Variants in RNF103 observed in about 807,000 individuals in gnomAD.
The protein encoded by RNF103 is E3 ubiquitin-protein ligase RNF103.
A neutral mutation model predicts 66.2 loss-of-function variants in RNF103; 23 were observed. The ratio of observed to expected loss-of-function variants is 0.35; its 90% confidence interval spans 0.25 to 0.49. The LOEUF is 0.49. Ranked by LOEUF, RNF103 falls within the 20% of genes least tolerant of loss-of-function variation. The pLI, the probability that RNF103 is intolerant of heterozygous loss-of-function variation, is 0.98. For synonymous variants in RNF103, 297 were observed against 289.9 expected, an observed-to-expected ratio of 1.02 and a Z score of -0.25; for missense variants, 730 against 814.7, an observed-to-expected ratio of 0.90 and a Z score of 1.27.
chr2:86,620,445 T>G lies in RNF103; in HGVS notation c.251A>C (p.Tyr84Ser), dbSNP rs768609074. The G allele has an allele frequency of 1.3e-6, 2 of 1,598,228 alleles. No individual in the cohort carries two copies. The highest frequency in any genetic ancestry group is 2.2e-5 in the East Asian group (1 of 44,824). The change falls in exon 2 of 4, where the codon TAT (tyrosine) becomes TCT (serine). Residue 84 changes from tyrosine (Y) to serine (S), a missense_variant. By Grantham distance (144) the Tyr-to-Ser change is moderately radical (BLOSUM62 -2). Around this residue, in one of 3 missense-constraint regions of RNF103, gnomAD observed 327 missense variants for 369.8 expected, o/e 0.88. Transcript: ENST00000237455. Reference sequence around the variant, plus strand: ...TGCTTCTTCTTCCTTGAGAGCAGAATAGAGCTCACCCTCCATCAAGTCACC... The same window carrying G: ...TGCTTCTTCTTCCTTGAGAGCAGAAGAGAGCTCACCCTCCATCAAGTCACC... ...KSGDLMEGEL[Y>S]SALKEEEASE...
At chr2:86,608,793 A>G (rs1252391254) in intron 3 of RNF103, among the ~76,000 whole-genome samples, 8 of 137,244 alleles carry the variant, frequency 5.8e-5, no homozygotes, top group Admixed American at 4.9e-4. Context: ...CTACTTTGTC[A>G]AAAAAAGTAC....
chr2:86,621,469 A>G (rs1679225433), intron 1 of RNF103, among the ~76,000 whole-genome samples: 1 of 152,362 alleles, frequency 6.6e-6, no homozygotes, highest in East Asian at 1.9e-4. Flanking sequence ...AAGAATCGCC[A>G]TAAACCAGTC....
intron 2 of RNF103, chr2:86,618,073 A>G: frequency 4.5e-6 from 2 of 441,078 alleles, no homozygotes; most frequent in East Asian, 7.1e-5. Context: ...AACCACAGAA[A>G]TACATTCTAT....
At chr2:86,620,713 A>G (rs1679198630) in intron 1 of RNF103, among the ~76,000 whole-genome samples, 1 of 152,242 alleles carries the variant, frequency 6.6e-6, no homozygotes, top group Admixed American at 6.5e-5. Flanking sequence ...CATCTCTTAT[A>G]GAACAGGGCT....
Position 86,605,320 on chromosome 2 carries a change from C to A in RNF103, c.581G>T (p.Gly194Val). The stretch of plus-strand genomic sequence containing the variant: ...AATGTGCTCTACTTCAATCTTGCGT[C>A]CACTGTATTCTTTAAGCATGACTTT... ...KGKVMLKEYS[G>V]RKIEVEHIFK... The change falls in exon 4 of 4, where the codon GGA becomes GTA. Residue 194 changes from glycine to valine, a missense_variant. By Grantham distance (109) the Gly-to-Val change is moderately radical. Around this residue, in one of 3 missense-constraint regions of RNF103, gnomAD observed 327 missense variants for 369.8 expected, o/e 0.88. Transcript: ENST00000237455. The A allele has an allele frequency of 6.2e-7, 1 of 1,614,158 alleles. No individual in the cohort carries two copies. Among genetic ancestry groups the A allele is most frequent in the Middle Eastern group, 1.6e-4 (1 of 6,062 alleles).
intron 3 of RNF103, among the ~76,000 whole-genome samples, chr2:86,607,802 C>T (rs924427429): frequency 1.3e-5 from 2 of 152,174 alleles, no homozygotes; most frequent in African/African-American, 2.4e-5. Context: ...TTTTATCTTC[C>T]TACTATGGCC....
chr2:86,612,253 G>T lies in RNF103; in HGVS notation c.388C>A (p.Pro130Thr). 6.2e-7 allele frequency: 1 copy of T among 1,612,722 alleles called. No homozygotes were observed. Among genetic ancestry groups the T allele is most frequent in the Non-Finnish European group, 8.5e-7 (1 of 1,179,300 alleles). The change falls in exon 3 of 4, where the codon CCC becomes ACC. Residue 130 changes from proline to threonine, a missense_variant. By Grantham distance (38) the Pro-to-Thr change is conservative. Transcript: ENST00000237455. The stretch of plus-strand genomic sequence containing the variant: ...TCCCAGTGAATTTTGCCCACCAAGG[G>T]ACTTCTGTCATTTGCTATGACCTAT... ...LVQVIANDRS[P>T]LVGKIHWEKM...
intron 2 of RNF103, chr2:86,614,283 C>T (rs1198872838): frequency 2.0e-5 from 3 of 152,136 alleles, no homozygotes; most frequent in Admixed American, 2.0e-4. Flanking sequence ...TTACATTTTT[C>T]TCTGGTCCAA....
chr2:86,623,165 T>G lies in RNF103; in HGVS notation c.-279A>C, dbSNP rs1679300555. The G allele has an allele frequency of 2.1e-5, 23 of 1,116,472 alleles. No individual in the cohort carries two copies. The highest frequency in any genetic ancestry group is 2.2e-5 in the Non-Finnish European group (20 of 916,340). 69.2% of individuals were successfully genotyped at this position (1,116,472 alleles called of 1,614,324 possible). A position where few individuals can be genotyped will look rare whatever the true frequency, so the allele number is the denominator to read the frequency against. On this transcript the variant is annotated 5_prime_UTR_variant, in exon 1 of 4. It removes an upstream start codon present in the reference 5' UTR. Transcript: ENST00000237455. ...AAAGGGGAAAAACTCAAAACCCCCA[T>G]CCATTAAGCACAGAAAGGAGAGGGG...
In RNF103 at chr2:86,623,217, A is replaced by G. The variant is rs1679302084; in HGVS notation, c.-331T>C. ...GCGGGGAGAGCTCGCGGGGAAGAAC[A>G]AAACGAGGGACGCTTCCCCCGGGGC... is the stretch of plus-strand genomic sequence containing the variant. On this transcript the variant is annotated 5_prime_UTR_variant, in exon 1 of 4. Transcript: ENST00000237455. 11 of 1,020,140 alleles carry G rather than the reference A, an allele frequency of 1.1e-5. No homozygotes were observed. Among genetic ancestry groups the G allele is most frequent in the Non-Finnish European group, 1.3e-5 (11 of 854,392 alleles). 63.2% of individuals were successfully genotyped at this position (1,020,140 alleles called of 1,614,324 possible).
At chr2:86,617,692 T>A in intron 2 of RNF103, 2 of 988,670 alleles carry the variant, frequency 2.0e-6, no homozygotes, top group Non-Finnish European at 2.4e-6. Flanking sequence ...TCCTTTACAA[T>A]AGATTAATAT....
At chr2:86,606,352 G>A (rs934258034) in intron 3 of RNF103, among the ~76,000 whole-genome samples, 5 of 152,066 alleles carry the variant, frequency 3.3e-5, no homozygotes, top group African/African-American at 1.2e-4. Flanking sequence ...AGTAGGTAAT[G>A]AGAGAAAAGA....
rs557927966 is a variant in RNF103, at chr2:86,620,422, C to T, written c.274G>A (p.Ala92Thr). 3 of 1,606,010 alleles carry T rather than the reference C, an allele frequency of 1.9e-6. No individual in the cohort carries two copies. The highest frequency in any genetic ancestry group is 4.5e-5 in the East Asian group (2 of 44,864). ...TTGGTACTAGAAACCGATTCGGATG[C>T]TTCTTCTTCCTTGAGAGCAGAATAG... ...ELYSALKEEE[A>T]SESVSSTNFS... is the part of the protein sequence containing the mutation. The change falls in exon 2 of 4, where the codon GCA (alanine) becomes ACA (threonine). Residue 92 changes from alanine to threonine, a missense_variant. Ala to Thr is a moderately conservative substitution (Grantham distance 58). Transcript: ENST00000237455.
In RNF103 at chr2:86,622,928, G is replaced by GGGAGAGAGAA. The variant is rs1167255182; in HGVS notation, c.-52_-43dup. On this transcript the variant is annotated 5_prime_UTR_variant, in exon 1 of 4. Transcript: ENST00000237455. The stretch of plus-strand genomic sequence containing the variant: ...TCTCTTTCCAGAGAGCTCGGAATAC[G>GGGAGAGAGAA]GGAGAGAGAAGGGTCGAGGGCGGGG... 1 of 1,550,746 alleles carries GGGAGAGAGAA rather than the reference G, an allele frequency of 6.4e-7. No homozygotes were observed. The highest frequency in any genetic ancestry group is 2.4e-5 in the East Asian group (1 of 41,046).
chr2:86,620,146 T>C (rs308900), intron 2 of RNF103, among the ~76,000 whole-genome samples, 184 bp downstream of exon 2: 63,823 of 152,048 alleles, frequency 0.42, 15,266 homozygotes, highest in East Asian at 0.73. Context: ...CACTACTCAA[T>C]TTTCATCTTC....
intron 2 of RNF103, chr2:86,615,383 A>C: frequency 3.2e-6 from 1 of 315,648 alleles, no homozygotes; most frequent in Non-Finnish European, 4.6e-6. Context: ...CTGAAGGTTT[A>C]GCATAAATTA....
intron 1 of RNF103, 79 bp from the exon 2 acceptor site, chr2:86,620,548 C>T (rs1356057314): frequency 7.1e-7 from 1 of 1,409,318 alleles, no homozygotes; most frequent in East Asian, 2.4e-5. Context: ...ATTTTTTACA[C>T]TGTTAAGAAT....
Position 86,612,237 on chromosome 2 carries a change from A to C in RNF103, c.404T>G (p.Ile135Ser), listed in dbSNP as rs772774487. ...ANDRSPLVGK[I>S]HWEKMVKKVS... ...CTTTTTAACCATTTTCTCCCAGTGA[A>C]TTTTGCCCACCAAGGGACTTCTGTC... Residue 135 changes from isoleucine to serine, a missense_variant, in exon 3 of 4, where the codon ATT (isoleucine) becomes AGT (serine). This residue lies in a region of RNF103 where 327 missense variants were observed against 369.8 expected (regional missense o/e 0.88). Transcript: ENST00000237455. The C allele has an allele frequency of 1.2e-6, 2 of 1,613,526 alleles. No individual in the cohort carries two copies. Among genetic ancestry groups the C allele is most frequent in the African/African-American group, 2.7e-5 (2 of 74,884 alleles).
chr2:86,623,325 C>G lies in RNF103; in HGVS notation c.-439G>C. 1.0e-6 allele frequency: 1 copy of G among 985,628 alleles called. No homozygotes were observed. Among genetic ancestry groups the G allele is most frequent in the South Asian group, 4.7e-5 (1 of 21,414 alleles). The allele number at this position is 985,628 out of a possible 1,614,324, so 61.1% of individuals were successfully genotyped here. On this transcript the variant is annotated 5_prime_UTR_variant, in exon 1 of 4. Coordinates refer to ENST00000237455, the MANE Select transcript of RNF103 (RefSeq NM_005667.4). ...GGGAGACCAAAAAATAACTCAGATC[C>G]GCCCAGGAGGCGGGGATCCGGGCGG...
Sources: allele counts gnomAD v4.1 joint callset (sites outside exome capture counted in the v4.1 genomes callset), GRCh38; gene constraint gnomAD v4.1.1; regional missense constraint gnomAD v4.1.1; transcripts MANE v1.5; gene names NCBI Gene and HGNC (gene_info 2026-07-23, HGNC 2026-07-21).